The following KCTD14 variants were observed in gnomAD, a reference collection of about 807,000 sequenced individuals.
KCTD14 encodes the protein potassium channel tetramerization domain containing 14.
KCTD14 carries 7 observed loss-of-function variants against 5.9 expected under a neutral mutation model. That is an observed-to-expected ratio of 1.19 (90% confidence interval 0.68 to 2.23). The LOEUF (loss-of-function observed/expected upper bound fraction) is 2.23, where lower values mean the gene tolerates loss of function less well. KCTD14 is among the 30% of genes most tolerant of loss of function. The pLI is 0.00. For missense variants in KCTD14, 342 were observed against 332.2 expected, an observed-to-expected ratio of 1.03 and a Z score of -0.23; for synonymous variants, 140 against 133.1, an observed-to-expected ratio of 1.05 and a Z score of -0.36.
At chr11:78,028,688 C>T (rs1269568680) in intron 2 of KCTD14, among the ~76,000 whole-genome samples, 1 of 151,442 alleles carries the variant, frequency 6.6e-6, no homozygotes, top group Non-Finnish European at 1.5e-5. Flanking sequence ...CACCTGTGAT[C>T]GCAGCACTTT....
At chr11:78,023,058 G>T in intron 1 of KCTD14, 102 bp downstream of exon 1, 1 of 783,248 alleles carries the variant, frequency 1.3e-6, no homozygotes, top group Non-Finnish European at 2.1e-6. Context: ...AGGGGGCTCG[G>T]GCGTCTGGGA....
chr11:78,038,732 A>G (rs892192014), exon 2 of KCTD14: 1 of 1,535,618 alleles, frequency 6.5e-7, no homozygotes, highest in African/African-American at 1.4e-5. Flanking sequence ...GATCCTGGGG[A>G]CAAGCAACAG....
At chr11:78,032,984 A>G (rs1044865201) in intron 2 of KCTD14, among the ~76,000 whole-genome samples, 4 of 152,080 alleles carry the variant, frequency 2.6e-5, no homozygotes, top group Non-Finnish European at 5.9e-5. Flanking sequence ...GCCCAACCAT[A>G]GTCTACTTCA....
rs761029430 is a variant in KCTD14 at position 78,017,170 on chromosome 11, G to C, written c.191C>G (p.Ser64Cys). The C allele has an allele frequency of 6.2e-7, 1 of 1,613,996 alleles. No individual in the cohort carries two copies. The highest frequency in any genetic ancestry group is 1.3e-5 in the African/African-American group (1 of 74,930). Residue 64 changes from serine (S) to cysteine (C), a missense_variant, in exon 2 of 2, where the codon TCT becomes TGT. Coordinates refer to ENST00000353172, the MANE Select transcript of KCTD14 (RefSeq NM_023930.4). Reference protein sequence around the residue: ...FPGSKLAEMFSSLAKASTDAE... With the variant: ...FPGSKLAEMFCSLAKASTDAE... ...GTCCGTGGAGGCCTTGGCTAAGCTA[G>C]AGAACATCTCTGCCAGCTTTGAGCC... is the stretch of plus-strand genomic sequence containing the variant.
At chr11:78,030,493 G>A (rs1431652941) in intron 2 of KCTD14, among the ~76,000 whole-genome samples, 1 of 152,174 alleles carries the variant, frequency 6.6e-6, no homozygotes, top group Non-Finnish European at 1.5e-5. Flanking sequence ...TGGTCTCTGT[G>A]ATCCTGCCTT....
intron 2 of KCTD14, among the ~76,000 whole-genome samples, chr11:78,036,499 G>T (rs148570683): frequency 2.6e-5 from 4 of 152,288 alleles, no homozygotes; most frequent in East Asian, 3.9e-4. Flanking sequence ...CTCACCTAAA[G>T]TCCCACAGCT....
chr11:78,024,398 AT>A (rs370646856), upstream of KCTD14, among the ~76,000 whole-genome samples: 240 of 109,342 alleles, frequency 2.2e-3, 2 homozygotes, highest in African/African-American at 8.1e-3. Context: ...AAAAAAAAAA[AT>A]ATATATATAT....
intron 2 of KCTD14, among the ~76,000 whole-genome samples, chr11:78,030,757 G>A (rs1290009664): frequency 6.6e-6 from 1 of 152,144 alleles, no homozygotes; most frequent in Non-Finnish European, 1.5e-5. Flanking sequence ...TTGTGGCAGA[G>A]TGCCCAGCCT....
chr11:78,038,601 A>G, intron 2 of KCTD14: 1 of 1,524,526 alleles, frequency 6.6e-7, no homozygotes, highest in Non-Finnish European at 8.8e-7. Context: ...CCAAGTGAAC[A>G]GCTTCTCCAC....
At chr11:78,020,683 T>C (rs901599546) in intron 1 of KCTD14, among the ~76,000 whole-genome samples, 5 of 152,216 alleles carry the variant, frequency 3.3e-5, no homozygotes, top group African/African-American at 1.2e-4. Flanking sequence ...GTCCTCCTAA[T>C]GTCCCCATGT....
chr11:78,023,276 C>T lies in KCTD14; in HGVS notation c.-27G>A, dbSNP rs377627376. 91 of 1,603,752 alleles carry T rather than the reference C, an allele frequency of 5.7e-5. No individual in the cohort carries two copies. The highest frequency in any genetic ancestry group is 4.3e-4 in the East Asian group (19 of 44,670). ...CAGATCACTTGGGCCAGCGGAAGTG[C>T]CCCTGGCTGCCCGCCCCTAGGTGGG... is the stretch of plus-strand genomic sequence containing the variant. On this transcript the variant is annotated 5_prime_UTR_variant, in exon 1 of 2. Transcript: ENST00000353172.
rs948739623 is a variant in KCTD14, at chr11:78,038,862, C to T, written c.-95-104G>A. ...CAGGAGCCTGACTGGAGCCACACTG[C>T]AGAACTGGATGGCTACTGCTGCTGT... On this transcript the variant is annotated intron_variant, in intron 1 of 2. Transcript: ENST00000533144. The T allele has an allele frequency of 6.8e-6, 9 of 1,326,176 alleles. No individual in the cohort carries two copies. The African/African-American group carries it at 1.3e-4, about 19-fold the overall frequency. The allele number at this position is 1,326,176 out of a possible 1,614,324, so 82.2% of individuals were successfully genotyped here.
At chr11:78,044,026 T>C (rs771156564) in intron 1 of KCTD14, among the ~76,000 whole-genome samples, 6 of 151,740 alleles carry the variant, frequency 4.0e-5, no homozygotes, top group Non-Finnish European at 7.4e-5. Flanking sequence ...GAGAACAGAG[T>C]TAAAACCCAC....
intron 1 of KCTD14, among the ~76,000 whole-genome samples, chr11:78,043,816 A>T (rs534217774): frequency 1.3e-5 from 2 of 152,292 alleles, no homozygotes; most frequent in African/African-American, 4.8e-5. Flanking sequence ...TCTTGGGTGG[A>T]TCCTCTGAGG....
In KCTD14 at chr11:78,023,215, C is replaced by A. The variant is rs1857354277; in HGVS notation, c.35G>T (p.Gly12Val). 6.2e-7 allele frequency: 1 copy of A among 1,608,086 alleles called. No homozygotes were observed. The highest frequency in any genetic ancestry group is 8.5e-7 in the Non-Finnish European group (1 of 1,179,222). The change falls in exon 1 of 2, where the codon GGC (glycine) becomes GTC (valine). Residue 12 changes from glycine (G) to valine (V), a missense_variant. Gly to Val is a moderately radical substitution (Grantham distance 109). Coordinates refer to ENST00000353172, the MANE Select transcript of KCTD14 (RefSeq NM_023930.4). ...WQGCAVERPVGRMTSQTPLPQ... is the reference protein window; with the variant it reads ...WQGCAVERPVVRMTSQTPLPQ... ...CAGAGGGGTCTGGCTCGTCATCCTG[C>A]CCACTGGCCGCTCCACTGCGCAGCC...
At chr11:78,039,833 A>C (rs1347244653) in intron 1 of KCTD14, among the ~76,000 whole-genome samples, 1 of 152,172 alleles carries the variant, frequency 6.6e-6, no homozygotes, top group Non-Finnish European at 1.5e-5. Context: ...CCACTTTTTA[A>C]AATGGCGACA....
intron 1 of KCTD14, 193 bp downstream of exon 1, chr11:78,022,967 G>C: frequency 1.8e-6 from 1 of 558,356 alleles, no homozygotes; most frequent in Non-Finnish European, 3.2e-6. Flanking sequence ...GGCGCGAAAG[G>C]AGAGTGATCC....
chr11:78,023,224 C>A lies in KCTD14; in HGVS notation c.26G>T (p.Arg9Leu). 12 of 1,608,322 alleles carry A rather than the reference C, an allele frequency of 7.5e-6. No individual in the cohort carries two copies. Among genetic ancestry groups the A allele is most frequent in the Non-Finnish European group, 1.0e-5 (12 of 1,179,348 alleles). Residue 9 changes from arginine to leucine, a missense_variant, in exon 1 of 2, where the codon CGG becomes CTG. By Grantham distance (102) the Arg-to-Leu change is moderately radical (BLOSUM62 -2). Transcript: ENST00000353172. MWQGCAVE[R>L]PVGRMTSQTP... ...CTGGCTCGTCATCCTGCCCACTGGC[C>A]GCTCCACTGCGCAGCCCTGCCACAT...
intron 2 of KCTD14, among the ~76,000 whole-genome samples, chr11:78,033,901 G>GTGTGTATATATATATATATA: frequency 0.088 from 10,036 of 114,374 alleles, 562 homozygotes; most frequent in South Asian, 0.14. Context: ...GTGTGTGTGT[G>GTGTGTATATATATATATATA]TATATATATA....
Sources: gnomAD v4.1 joint callset for allele counts (sites outside exome capture counted in the v4.1 genomes callset) on GRCh38, gnomAD v4.1.1 for gene constraint, MANE v1.5 for transcripts, NCBI Gene and HGNC (gene_info 2026-07-23, HGNC 2026-07-21) for gene names.